Variants in SLC2A13 observed in about 807,000 individuals in gnomAD.
SLC2A13 encodes proton myo-inositol cotransporter.
Under a neutral mutation model 64.4 loss-of-function variants are expected in SLC2A13, and 32 were observed. The observed-to-expected ratio is 0.50, with a 90% CI of 0.37 to 0.67. SLC2A13 has a LOEUF of 0.67. Ranked by LOEUF, SLC2A13 falls within the 30% of genes least tolerant of loss-of-function variation. The probability of loss-of-function intolerance (pLI) is 0.00; values close to 1 mark genes in which losing one functional copy is unlikely to be tolerated. For synonymous variants in SLC2A13, 338 were observed against 327.1 expected, an observed-to-expected ratio of 1.03 and a Z score of -0.36; for missense variants, 743 against 829.2, an observed-to-expected ratio of 0.90 and a Z score of 1.28.
At chr12:39,912,061 G>C (rs1487964796) in intron 4 of SLC2A13, among the ~76,000 whole-genome samples, 4 of 151,934 alleles carry the variant, frequency 2.6e-5, no homozygotes, top group Non-Finnish European at 5.9e-5. Context: ...GGTAGAAATG[G>C]CCCAGGACCA....
intron 7 of SLC2A13, among the ~76,000 whole-genome samples, chr12:39,767,107 T>A (rs2135717252): frequency 6.6e-6 from 1 of 152,206 alleles, no homozygotes; most frequent in South Asian, 2.1e-4. Context: ...AATCACTATC[T>A]ATGGCAGCTA....
At chr12:39,899,412 TG>T (rs1228913896) in intron 4 of SLC2A13, among the ~76,000 whole-genome samples, 1 of 152,204 alleles carries the variant, frequency 6.6e-6, no homozygotes, top group Admixed American at 6.5e-5. Context: ...TCAATTTTGC[TG>T]ATCCTTTCAA....
chr12:40,092,972 A>G (rs1016998912), intron 1 of SLC2A13, among the ~76,000 whole-genome samples: 1 of 152,236 alleles, frequency 6.6e-6, no homozygotes, highest in African/African-American at 2.4e-5. Flanking sequence ...CATTATTAAC[A>G]TGTGGAATAG....
rs1052393481 is a variant in SLC2A13 at position 39,757,652 on chromosome 12, G to T, written c.*2374C>A. On this transcript the variant is annotated 3_prime_UTR_variant, in exon 10 of 10. Transcript: ENST00000280871. Reference sequence around the variant, plus strand: ...AAATAACAAATAGTCCTTTAAAGTAGGGGCTCAGGGGAGTAGGGGAGGAGA... The same window carrying T: ...AAATAACAAATAGTCCTTTAAAGTATGGGCTCAGGGGAGTAGGGGAGGAGA... 4.6e-5 allele frequency: 7 copies of T among 152,132 alleles called. No homozygotes were observed. The highest frequency in any genetic ancestry group is 2.6e-4 in the Admixed American group (4 of 15,210). 9.4% of individuals were successfully genotyped at this position (152,132 alleles called of 1,614,324 possible).
At chr12:39,809,484 C>A (rs1395436987) in intron 7 of SLC2A13, among the ~76,000 whole-genome samples, 2 of 152,106 alleles carry the variant, frequency 1.3e-5, no homozygotes, top group African/African-American at 4.8e-5. Context: ...TAGAGATCAA[C>A]TTAAAAGGAA....
chr12:39,901,499 AAAAC>A (rs1317434584), intron 4 of SLC2A13, among the ~76,000 whole-genome samples: 2 of 139,188 alleles, frequency 1.4e-5, no homozygotes, highest in East Asian at 2.1e-4. Flanking sequence ...TTACAAGAAA[AAAAC>A]AAACAACCCC....
intron 3 of SLC2A13, among the ~76,000 whole-genome samples, chr12:39,951,964 T>G (rs1946240194): frequency 6.6e-6 from 1 of 152,140 alleles, no homozygotes; most frequent in Admixed American, 6.6e-5. Flanking sequence ...TCTATAGATG[T>G]GTGTATGTGT....
At chr12:39,767,462 C>A (rs746092727) in intron 7 of SLC2A13, among the ~76,000 whole-genome samples, 1 of 151,924 alleles carries the variant, frequency 6.6e-6, no homozygotes, top group Non-Finnish European at 1.5e-5. Context: ...ATTTTTGGAG[C>A]GGCAAATGAG....
intron 3 of SLC2A13, among the ~76,000 whole-genome samples, chr12:39,996,673 T>C (rs909954434): frequency 2.0e-5 from 3 of 152,206 alleles, no homozygotes; most frequent in African/African-American, 4.8e-5. Context: ...GGGGCCAACA[T>C]AGAGTTCGGG....
intron 4 of SLC2A13, among the ~76,000 whole-genome samples, chr12:39,906,682 T>A (rs762758519): frequency 2.6e-5 from 4 of 152,272 alleles, no homozygotes; most frequent in Middle Eastern, 3.4e-3. Context: ...AAAATCTCAG[T>A]TGCATTATTC....
At chr12:40,009,910 G>A (rs1947497314) in intron 3 of SLC2A13, among the ~76,000 whole-genome samples, 1 of 152,206 alleles carries the variant, frequency 6.6e-6, no homozygotes. Context: ...TGGAATTGCA[G>A]AAACTTTTGT....
rs1485120419 is a variant in SLC2A13 at position 39,945,817 on chromosome 12, AGC to A, written c.1034+5438_1034+5439del. 1.4e-4 allele frequency among the ~76,000 whole-genome samples: 22 copies of A among 152,018 alleles called. No individual in the cohort carries two copies. In the East Asian group the frequency reaches 4.3e-3, roughly 30 times the overall value. On this transcript the variant is annotated intron_variant, in intron 4 of 9. Transcript: ENST00000280871. ...GCTCTTCTCTGGTCCCTCCCTGATTAGCTTAATAACTAACCTCCTGAATTATT... is the reference window on the plus strand; with the variant it reads ...GCTCTTCTCTGGTCCCTCCCTGATTATTAATAACTAACCTCCTGAATTATT...
chr12:40,035,287 A>G (rs1235771795), intron 2 of SLC2A13, among the ~76,000 whole-genome samples: 1 of 152,212 alleles, frequency 6.6e-6, no homozygotes, highest in African/African-American at 2.4e-5. Context: ...TTTATGTAAT[A>G]TGTTTCTACT....
chr12:39,789,385 GTTTAT>G (rs1274368991), intron 7 of SLC2A13, among the ~76,000 whole-genome samples: 5 of 152,012 alleles, frequency 3.3e-5, no homozygotes, highest in African/African-American at 4.8e-5. Flanking sequence ...TTTAGCTACA[GTTTAT>G]TTTGAGTGCA....
intron 3 of SLC2A13, among the ~76,000 whole-genome samples, chr12:39,975,722 G>A (rs907417654): frequency 6.6e-6 from 1 of 152,214 alleles, no homozygotes; most frequent in African/African-American, 2.4e-5. Context: ...CCAAACTTCA[G>A]ATGACTCATG....
intron 6 of SLC2A13, among the ~76,000 whole-genome samples, chr12:39,839,245 G>A (rs1943113843): frequency 6.6e-6 from 1 of 152,134 alleles, no homozygotes; most frequent in Non-Finnish European, 1.5e-5. Flanking sequence ...GTGAAGGACA[G>A]ATTCCTATAT....
At chr12:39,824,033 C>A (rs151250364) in intron 7 of SLC2A13, among the ~76,000 whole-genome samples, 4 of 151,764 alleles carry the variant, frequency 2.6e-5, no homozygotes, top group Non-Finnish European at 5.9e-5. Flanking sequence ...AATTTTAAAC[C>A]CTTATATATT....
chr12:40,058,082 TAGA>T (rs1565608637), intron 1 of SLC2A13, among the ~76,000 whole-genome samples: 321 of 151,296 alleles, frequency 2.1e-3, no homozygotes, highest in Middle Eastern at 0.017. Context: ...GATAGATAGA[TAGA>T]TAGATTGATT....
chr12:40,076,582 C>A (rs1233699140), intron 1 of SLC2A13, among the ~76,000 whole-genome samples: 1 of 152,044 alleles, frequency 6.6e-6, no homozygotes, highest in South Asian at 2.1e-4. Flanking sequence ...GATTCCATGT[C>A]TTTGCTGTGT....
Sources: gnomAD v4.1 joint callset for allele counts (sites outside exome capture counted in the v4.1 genomes callset) on GRCh38, gnomAD v4.1.1 for gene constraint, MANE v1.5 for transcripts, NCBI Gene and HGNC (gene_info 2026-07-23, HGNC 2026-07-21) for gene names.